Variants in MRE11 observed in about 807,000 individuals in gnomAD.
The protein encoded by MRE11 is double-strand break repair protein MRE11.
Under a neutral mutation model 91.7 loss-of-function variants are expected in MRE11, and 62 were observed. The observed-to-expected ratio is 0.68, with a 90% CI of 0.55 to 0.84. The LOEUF is 0.84. Ranked by LOEUF, MRE11 falls within the 40% of genes least tolerant of loss-of-function variation. The pLI is 0.00. For synonymous variants in MRE11, 273 were observed against 271.4 expected (o/e 1.01, Z -0.06); for missense variants, 796 against 852.9 (o/e 0.93, Z 0.83).
chr11:94,508,369 G>C, the MRE11 span, among the ~76,000 whole-genome samples: 4 of 152,198 alleles, frequency 2.6e-5, no homozygotes, highest in African/African-American at 9.7e-5. Flanking sequence ...AAGACATCAT[G>C]AAGGTTTTTT....
At chr11:94,511,435 T>C in the MRE11 span, among the ~76,000 whole-genome samples, 1 of 152,234 alleles carries the variant, frequency 6.6e-6, no homozygotes, top group African/African-American at 2.4e-5. Flanking sequence ...AATGCAAGAC[T>C]AGCCTAATAC....
At chr11:94,475,881 A>T (rs1279129000) in intron 7 of MRE11, among the ~76,000 whole-genome samples, 1 of 152,216 alleles carries the variant, frequency 6.6e-6, no homozygotes, top group Non-Finnish European at 1.5e-5. Context: ...GTTGGCTGTA[A>T]ATATAGCATA....
upstream of MRE11, chr11:94,496,555 A>T (rs557672413): frequency 1.2e-5 from 9 of 777,164 alleles, no homozygotes; most frequent in African/African-American, 1.2e-4. Flanking sequence ...TGCAGTTGAT[A>T]AAGCCTGAAT....
upstream of MRE11, chr11:94,497,955 C>G: frequency 1.4e-6 from 1 of 732,616 alleles, no homozygotes; most frequent in Non-Finnish European, 2.1e-6. Flanking sequence ...TTAAAGTCAT[C>G]TACTAACAAG....
chr11:94,455,187 A>G (rs1452886093), intron 14 of MRE11, among the ~76,000 whole-genome samples: 1 of 152,204 alleles, frequency 6.6e-6, no homozygotes, highest in Non-Finnish European at 1.5e-5. Flanking sequence ...AGAAAAGTCT[A>G]CACTTGGAGT....
chr11:94,447,193 T>C (rs1945957158), intron 15 of MRE11, 26 bp downstream of exon 15: 5 of 1,595,990 alleles, frequency 3.1e-6, no homozygotes, highest in Non-Finnish European at 4.3e-6. Context: ...AGTGTGAATG[T>C]GCACAGGACT....
At chr11:94,448,664 C>T (rs1185013479) in intron 14 of MRE11, among the ~76,000 whole-genome samples, 2 of 151,900 alleles carry the variant, frequency 1.3e-5, no homozygotes, top group Non-Finnish European at 2.9e-5. Flanking sequence ...AACTGAAAGC[C>T]TAAGCCTAAG....
chr11:94,502,394 G>A, the MRE11 span, among the ~76,000 whole-genome samples: 3 of 152,214 alleles, frequency 2.0e-5, no homozygotes, highest in South Asian at 2.1e-4. Context: ...TTTACCTGTG[G>A]TGTTTTTGAA....
chr11:94,438,586 T>C (rs1945689489), intron 16 of MRE11, among the ~76,000 whole-genome samples: 1 of 152,238 alleles, frequency 6.6e-6, no homozygotes, highest in Non-Finnish European at 1.5e-5. Flanking sequence ...CTCCTTTAAC[T>C]CTGAGATCCT....
intron 3 of MRE11, among the ~76,000 whole-genome samples, chr11:94,486,399 G>A (rs1947143299): frequency 2.0e-5 from 3 of 152,278 alleles, no homozygotes; most frequent in South Asian, 4.2e-4. Flanking sequence ...CGTATGGGAA[G>A]AGATACCAAA....
chr11:94,432,958 C>A (rs1945504678), intron 18 of MRE11, among the ~76,000 whole-genome samples: 1 of 152,200 alleles, frequency 6.6e-6, no homozygotes, highest in Admixed American at 6.5e-5. Context: ...TAATTATATG[C>A]CTATCATTCC....
At chr11:94,453,900 T>G (rs1325713282) in intron 14 of MRE11, among the ~76,000 whole-genome samples, 1 of 152,032 alleles carries the variant, frequency 6.6e-6, no homozygotes, top group African/African-American at 2.4e-5. Flanking sequence ...AAGAATAGTT[T>G]TTATATTTTT....
At chr11:94,481,707 T>TACTCA (rs1947017917) in intron 4 of MRE11, among the ~76,000 whole-genome samples, 1 of 152,218 alleles carries the variant, frequency 6.6e-6, no homozygotes, top group Non-Finnish European at 1.5e-5. Context: ...TTCCTACATG[T>TACTCA]ATTTGAGGCT....
At chr11:94,451,408 T>G (rs1168898882) in intron 14 of MRE11, among the ~76,000 whole-genome samples, 1 of 152,052 alleles carries the variant, frequency 6.6e-6, no homozygotes, top group Non-Finnish European at 1.5e-5. Flanking sequence ...CTACCAAACT[T>G]TCAAAAAACA....
chr11:94,457,251 G>A (rs1946276786), intron 13 of MRE11, among the ~76,000 whole-genome samples: 1 of 152,208 alleles, frequency 6.6e-6, no homozygotes, highest in East Asian at 1.9e-4. Context: ...AGTGGATTTA[G>A]CAATGGCAGT....
intron 19 of MRE11, among the ~76,000 whole-genome samples, chr11:94,426,722 C>CAAAG (rs1324539511): frequency 6.6e-6 from 1 of 152,052 alleles, no homozygotes; most frequent in Non-Finnish European, 1.5e-5. Context: ...ACAAAGATGA[C>CAAAG]ATTACAATTG....
chr11:94,509,034 ACTTT>A, the MRE11 span, among the ~76,000 whole-genome samples: 4 of 152,104 alleles, frequency 2.6e-5, no homozygotes, highest in African/African-American at 4.8e-5. Context: ...TGCTACATTT[ACTTT>A]CTAATTTTAG....
the MRE11 span, among the ~76,000 whole-genome samples, chr11:94,507,951 G>C: frequency 8.6e-5 from 13 of 152,036 alleles, no homozygotes; most frequent in African/African-American, 3.1e-4. Flanking sequence ...TTTTAATGAA[G>C]AGAATATCTT....
At chr11:94,434,689 A>G (rs1212501949) in intron 18 of MRE11, among the ~76,000 whole-genome samples, 2 of 152,120 alleles carry the variant, frequency 1.3e-5, no homozygotes. Context: ...TGCTTCTTCT[A>G]GCCCACATTC....
Sources: allele counts gnomAD v4.1 joint callset (sites outside exome capture counted in the v4.1 genomes callset), GRCh38; gene constraint gnomAD v4.1.1; transcripts MANE v1.5; gene names NCBI Gene and HGNC (gene_info 2026-07-23, HGNC 2026-07-21).